ENOX2: variants seen among roughly 807,000 people sequenced by gnomAD.
ENOX2 encodes the protein ecto-NOX disulfide-thiol exchanger 2.
In ENOX2, 36 loss-of-function variants were observed where a neutral mutation model predicts 45.0. The observed-to-expected ratio is 0.80, with a 90% confidence interval of 0.61 to 1.06. The LOEUF is 1.06. Among genes scored for constraint, ENOX2 ranks in the 50% least tolerant of loss-of-function variants. The probability of loss-of-function intolerance (pLI) is 0.00; values close to 1 mark genes in which losing one functional copy is unlikely to be tolerated. For missense variants in ENOX2, 423 were observed against 462.5 expected (o/e 0.91, Z 0.78); for synonymous variants, 174 against 152.3 (o/e 1.14, Z -1.05).
At chrX:130,688,776 G>T in intron 5 of ENOX2, 87 bp downstream of exon 5, 1 of 762,906 alleles carries the variant, frequency 1.3e-6, no homozygotes. Flanking sequence ...CATCTATGAA[G>T]CCCTTGGGTA....
chrX:130,705,758 G>A (rs1162465330), intron 3 of ENOX2, among the ~76,000 whole-genome samples: 1 of 111,503 alleles, frequency 9.0e-6, no homozygotes, highest in African/African-American at 3.3e-5. Flanking sequence ...CTGCACCCTG[G>A]GGTGGAGCCT....
intron 3 of ENOX2, among the ~76,000 whole-genome samples, chrX:130,759,648 T>C (rs781664153): frequency 2.8e-4 from 30 of 108,661 alleles, no homozygotes; most frequent in African/African-American, 9.7e-4. Context: ...CTGTTCTCTA[T>C]TCTGTTCCAT....
intron 10 of ENOX2, among the ~76,000 whole-genome samples, chrX:130,654,779 T>G (rs943357093): frequency 8.9e-6 from 1 of 112,455 alleles, no homozygotes; most frequent in African/African-American, 3.2e-5. Flanking sequence ...AAAATAGCTA[T>G]AAGATGATCT....
intron 10 of ENOX2, among the ~76,000 whole-genome samples, chrX:130,647,734 G>A (rs1259884118): frequency 9.0e-6 from 1 of 110,864 alleles, no homozygotes; most frequent in Non-Finnish European, 1.9e-5. Flanking sequence ...CTGGGAGCAG[G>A]GTGCTAGTTC....
rs2039489065 is a variant in ENOX2 at position 130,761,485 on chromosome X, G to A, written c.-39+22062C>T. 2.7e-5 allele frequency among the ~76,000 whole-genome samples: 3 copies of A among 111,972 alleles called. No homozygotes were observed. The Admixed American group carries it at 2.8e-4, about 11-fold the overall frequency. ...TGTTCATAGTAGTCCCTTAGTATCT[G>A]TGTTAAGTCATTCTTGTATTGCTAT... On this transcript the variant is annotated intron_variant, in intron 3 of 14. Transcript: ENST00000394363.
chrX:130,667,886 G>A, intron 7 of ENOX2, 144 bp from the exon 8 acceptor site: 1 of 445,450 alleles, frequency 2.2e-6, no homozygotes, highest in South Asian at 3.7e-5. Flanking sequence ...ATACACACAT[G>A]TGCACACACA....
chrX:130,699,445 A>G (rs949016180), intron 4 of ENOX2, among the ~76,000 whole-genome samples: 1 of 111,904 alleles, frequency 8.9e-6, no homozygotes, highest in African/African-American at 3.2e-5. Flanking sequence ...TGTCACAGAC[A>G]GGCCAGATGA....
chrX:130,733,312 A>G (rs1428233788), intron 3 of ENOX2, among the ~76,000 whole-genome samples: 1 of 111,309 alleles, frequency 9.0e-6, no homozygotes, highest in East Asian at 2.8e-4. Flanking sequence ...TGCAAATCAA[A>G]ACCATAATGA....
At chrX:130,891,945 G>T (rs1313078802) in intron 2 of ENOX2, among the ~76,000 whole-genome samples, 1 of 111,726 alleles carries the variant, frequency 9.0e-6, no homozygotes, top group Non-Finnish European at 1.9e-5. Flanking sequence ...TGAATTTCTT[G>T]AATTCTGTCT....
At chrX:130,650,400 C>T (rs1165837003) in intron 10 of ENOX2, among the ~76,000 whole-genome samples, 7 of 111,480 alleles carry the variant, frequency 6.3e-5, no homozygotes, top group Non-Finnish European at 1.3e-4. Flanking sequence ...TGTAATGCTA[C>T]TGAGGGGACC....
intron 2 of ENOX2, among the ~76,000 whole-genome samples, chrX:130,837,633 C>T (rs373735053): frequency 2.0e-4 from 22 of 111,356 alleles, no homozygotes; most frequent in African/African-American, 6.5e-4. Flanking sequence ...ATATGCTAGG[C>T]GAAAATCTGA....
At chrX:130,626,131 C>T (rs2035541025) in intron 14 of ENOX2, among the ~76,000 whole-genome samples, 2 of 111,352 alleles carry the variant, frequency 1.8e-5, no homozygotes, top group Admixed American at 1.9e-4. Flanking sequence ...AGTGAATATC[C>T]CTGGAGCTGG....
At chrX:130,638,991 A>AAAAC (rs946926188) in intron 10 of ENOX2, among the ~76,000 whole-genome samples, 24 of 110,630 alleles carry the variant, frequency 2.2e-4, no homozygotes, top group South Asian at 7.7e-4. Context: ...AGTCTTGGAA[A>AAAAC]AAACAAACAA....
chrX:130,870,609 C>T (rs1452385621), intron 2 of ENOX2, among the ~76,000 whole-genome samples: 4 of 111,161 alleles, frequency 3.6e-5, no homozygotes, highest in Non-Finnish European at 7.6e-5. Context: ...CTGTATTCTA[C>T]CTGATGTTAC....
At chrX:130,747,807 T>A (rs926184083) in intron 3 of ENOX2, among the ~76,000 whole-genome samples, 11 of 112,306 alleles carry the variant, frequency 9.8e-5, no homozygotes, top group Admixed American at 9.4e-5. Context: ...ATCTACCAAG[T>A]CCCCAGTTTG....
At chrX:130,631,357 C>G in intron 13 of ENOX2, 111 bp downstream of exon 13, 2 of 501,617 alleles carry the variant, frequency 4.0e-6, no homozygotes, top group Non-Finnish European at 7.1e-6. Flanking sequence ...AGTTCTTGCG[C>G]TGCCATGCTT....
At chrX:130,821,140 G>C (rs2077589270) in intron 2 of ENOX2, among the ~76,000 whole-genome samples, 2 of 110,708 alleles carry the variant, frequency 1.8e-5, no homozygotes, top group Non-Finnish European at 3.8e-5. Context: ...TCTGGGGAGG[G>C]GTGACCTCTT....
At chrX:130,856,862 A>T (rs193004476) in intron 2 of ENOX2, among the ~76,000 whole-genome samples, 96 of 111,882 alleles carry the variant, frequency 8.6e-4, no homozygotes, top group Non-Finnish European at 1.1e-3. Context: ...TCTAAAAAAT[A>T]TAAATAATAT....
At position 130,852,931 on chromosome X, in the gene ENOX2, A is replaced by G. The variant is rs139730062; in HGVS notation, c.-183+48753T>C. 9.1e-3 allele frequency among the ~76,000 whole-genome samples: 1,015 copies of G among 111,567 alleles called. 11 individuals carry two copies. Among genetic ancestry groups the G allele is most frequent in the African/African-American group, 0.031 (953 of 30,680 alleles). On this transcript the variant is annotated intron_variant, in intron 2 of 14. Coordinates refer to ENST00000394363, the MANE Select transcript of ENOX2 (RefSeq NM_006375.4). ...GTCTCTAGTTTCAAGACAAGACAGC[A>G]TAGTTGCACATCTCTCTATTTCTCC...
Sources: gnomAD v4.1 joint callset for allele counts (sites outside exome capture counted in the v4.1 genomes callset) on GRCh38, gnomAD v4.1.1 for gene constraint, MANE v1.5 for transcripts, NCBI Gene and HGNC (gene_info 2026-07-23, HGNC 2026-07-21) for gene names.